Variants in EXTL3 observed in about 807,000 individuals in gnomAD.
EXTL3 encodes exostosin-like 3.
In EXTL3, 27 loss-of-function variants were observed where a neutral mutation model predicts 69.3. The observed-to-expected ratio is 0.39, with a 90% confidence interval of 0.29 to 0.54. The LOEUF (loss-of-function observed/expected upper bound fraction) is 0.54, where lower values mean the gene tolerates loss of function less well. Among genes scored for constraint, EXTL3 ranks in the 20% least tolerant of loss-of-function variants. The pLI is 0.69. For missense variants in EXTL3, 1,003 were observed against 1,231.8 expected, an observed-to-expected ratio of 0.81 and a Z score of 2.78; for synonymous variants, 511 against 499.4, an observed-to-expected ratio of 1.02 and a Z score of -0.31.
chr8:28,689,964 T>C (rs1387329167), intron 1 of EXTL3, among the ~76,000 whole-genome samples: 2 of 152,158 alleles, frequency 1.3e-5, no homozygotes, highest in African/African-American at 4.8e-5. Context: ...GAGATCACAG[T>C]CTTTGCTGAT....
chr8:28,644,043 C>T (rs1806789007), intron 1 of EXTL3, among the ~76,000 whole-genome samples: 1 of 152,092 alleles, frequency 6.6e-6, no homozygotes, highest in Admixed American at 6.6e-5. Flanking sequence ...GGATTATGGG[C>T]ATGAGTCATT....
rs554506465 is a variant in EXTL3, at chr8:28,710,411, A to T, written c.-569-3046A>T. The T allele has an allele frequency of 4.4e-5, 20 of 454,870 alleles. 1 individual carries two copies. Among genetic ancestry groups the T allele is most frequent in the South Asian group, 3.1e-4 (20 of 64,258 alleles). The allele number at this position is 454,870 out of a possible 1,614,324, so 28.2% of individuals were successfully genotyped here. On this transcript the variant is annotated intron_variant, in intron 1 of 6. Transcript: ENST00000220562. ...GTCAGAGAAAGAGAAGCAGGAGAGG[A>T]CATGGGCAGGAAGTGTAAAATGCAG... is the stretch of plus-strand genomic sequence containing the variant.
chr8:28,611,676 C>T (rs183242700), intron 2 of EXTL3, among the ~76,000 whole-genome samples: 101 of 152,156 alleles, frequency 6.6e-4, no homozygotes, highest in Non-Finnish European at 1.1e-3. Context: ...TTGTGAGCCC[C>T]GAGGTGAAAG....
chr8:28,707,782 C>T (rs1800953553), intron 1 of EXTL3, among the ~76,000 whole-genome samples: 1 of 152,196 alleles, frequency 6.6e-6, no homozygotes, highest in South Asian at 2.1e-4. Context: ...CTGATTTTTA[C>T]ACATAATTAA....
chr8:28,722,749 G>A (rs1187661002), intron 3 of EXTL3, among the ~76,000 whole-genome samples: 1 of 147,932 alleles, frequency 6.8e-6, no homozygotes, highest in African/African-American at 2.5e-5. Context: ...GCTCCAGCCT[G>A]GGTGATAGAG....
intron 1 of EXTL3, among the ~76,000 whole-genome samples, chr8:28,704,201 C>T (rs1348923089): frequency 6.6e-6 from 1 of 152,166 alleles, no homozygotes; most frequent in Non-Finnish European, 1.5e-5. Flanking sequence ...CACAGTTAGG[C>T]CATAAAGTGC....
chr8:28,623,189 C>T lies in EXTL3; in HGVS notation c.-53+379C>T, dbSNP rs1441566543. 3.9e-5 allele frequency among the ~76,000 whole-genome samples: 6 copies of T among 152,150 alleles called. No homozygotes were observed. The highest frequency in any genetic ancestry group is 9.7e-5 in the African/African-American group (4 of 41,444). On this transcript the variant is annotated intron_variant, in intron 1 of 6. Transcript: ENST00000523149. This position sits in a 1 kb window ranked among gnomAD's most constrained non-coding sequence, Gnocchi z 4.2. Reference sequence around the variant, plus strand: ...CACACTGTGGGCGGGGGTCCCGACCCCTGCTGCCTCGGGTACGGGGTAAGC... The same window carrying T: ...CACACTGTGGGCGGGGGTCCCGACCTCTGCTGCCTCGGGTACGGGGTAAGC...
chr8:28,669,768 G>A (rs938635346), intron 1 of EXTL3, among the ~76,000 whole-genome samples: 1 of 152,138 alleles, frequency 6.6e-6, no homozygotes, highest in African/African-American at 2.4e-5. Context: ...ATTACAATGG[G>A]TGTCTAAATG....
chr8:28,608,989 C>T lies in EXTL3; in HGVS notation n.314+1231C>T, dbSNP rs539349701. On this transcript the variant is annotated intron_variant and non_coding_transcript_variant, in intron 2 of 4. Transcript: ENST00000522725. ...AAATGGCCTAACAGTGAATGGGTGG[C>T]TTCTTGTGTTGGGTGATCTGAGATT... is the stretch of plus-strand genomic sequence containing the variant. Among the ~76,000 whole-genome samples the T allele has an allele frequency of 3.3e-5, 5 of 152,212 alleles. No homozygotes were observed. In the South Asian group the frequency reaches 6.2e-4, roughly 19 times the overall value.
chr8:28,723,835 T>G (rs1183620070), intron 3 of EXTL3, among the ~76,000 whole-genome samples: 1 of 152,034 alleles, frequency 6.6e-6, no homozygotes, highest in Admixed American at 6.6e-5. Context: ...AGAGTCAGGA[T>G]TTTGCCATGG....
chr8:28,680,398 A>AC (rs1563202804), intron 1 of EXTL3, among the ~76,000 whole-genome samples: 1 of 152,046 alleles, frequency 6.6e-6, no homozygotes, highest in Non-Finnish European at 1.5e-5. Context: ...AAAAAAAAAA[A>AC]AAAAAAACAG....
rs756414598 is a variant in EXTL3 at position 28,716,037 on chromosome 8, G to C, written c.-23G>C. On this transcript the variant is annotated 5_prime_UTR_variant, in exon 3 of 7. Coordinates refer to ENST00000220562, the MANE Select transcript of EXTL3 (RefSeq NM_001440.4). The surrounding 1 kb of genome is among the most constrained non-coding windows in gnomAD (Gnocchi z 7.1). ...TATGGCGAGTGACCCGACGTGATCTGGGGGGCAGGCTGCAGAGGACTCATG... is the reference window on the plus strand; with the variant it reads ...TATGGCGAGTGACCCGACGTGATCTCGGGGGCAGGCTGCAGAGGACTCATG... 5.7e-6 allele frequency: 9 copies of C among 1,580,618 alleles called. No homozygotes were observed. The South Asian group carries it at 8.9e-5, about 16-fold the overall frequency.
chr8:28,670,715 C>A (rs970063001), intron 1 of EXTL3, among the ~76,000 whole-genome samples: 27 of 152,174 alleles, frequency 1.8e-4, no homozygotes, highest in Admixed American at 1.7e-3. Context: ...TTGGATGAGG[C>A]CCAAGCACAG....
chr8:28,717,108 T>C lies in EXTL3; in HGVS notation c.1049T>C (p.Ile350Thr). The C allele has an allele frequency of 1.2e-6, 2 of 1,614,180 alleles. No homozygotes were observed. The highest frequency in any genetic ancestry group is 1.7e-6 in the Non-Finnish European group (2 of 1,180,024). The change falls in exon 3 of 7, where the codon ATT becomes ACT. Residue 350 changes from isoleucine (I) to threonine (T), a missense_variant. Transcript: ENST00000220562. This position sits in a 1 kb window ranked among gnomAD's most constrained non-coding sequence, Gnocchi z 8.3. ...CTCTTCACCTTCCAGGGCGAGAAGA[T>C]TGAGTCTCTGAGGTCTAGCCTTCAG... Reference protein sequence around the residue: ...KYLFTFQGEKIESLRSSLQEA... With the variant: ...KYLFTFQGEKTESLRSSLQEA...
upstream of EXTL3, chr8:28,622,689 C>A (rs1001969688): frequency 1.1e-5 from 1 of 87,992 alleles, no homozygotes; most frequent in Admixed American, 1.3e-4. Flanking sequence ...GCCGGGGATG[C>A]GGTGAGCCGA....
intron 2 of EXTL3, among the ~76,000 whole-genome samples, chr8:28,609,747 G>T (rs1300150708): frequency 6.6e-6 from 1 of 151,764 alleles, no homozygotes; most frequent in Non-Finnish European, 1.5e-5. Context: ...AAAAATAACT[G>T]CGCGTGATGG....
At chr8:28,607,923 T>C (rs559953744) in intron 2 of EXTL3, among the ~76,000 whole-genome samples, 46 of 151,424 alleles carry the variant, frequency 3.0e-4, no homozygotes, top group East Asian at 1.2e-3. Flanking sequence ...CCATCCTGGC[T>C]AACACCATGA....
At chr8:28,731,188 C>A in intron 3 of EXTL3, 35 bp from the exon 4 acceptor site, 1 of 1,613,924 alleles carries the variant, frequency 6.2e-7, no homozygotes, top group Non-Finnish European at 8.5e-7. Flanking sequence ...CATAACACAG[C>A]CTTAATTTTT....
At chr8:28,723,483 A>G (rs1205983667) in intron 3 of EXTL3, among the ~76,000 whole-genome samples, 2 of 152,166 alleles carry the variant, frequency 1.3e-5, no homozygotes, top group African/African-American at 2.4e-5. Flanking sequence ...ATAATTTACT[A>G]ATTGCAGCAA....
Sources: allele counts gnomAD v4.1 joint callset (sites outside exome capture counted in the v4.1 genomes callset), GRCh38; gene constraint gnomAD v4.1.1; non-coding constraint Gnocchi (gnomAD v3.1); transcripts MANE v1.5; gene names NCBI Gene and HGNC (gene_info 2026-07-23, HGNC 2026-07-21).